The following ZNF706 variants were observed in gnomAD, a reference collection of about 807,000 sequenced individuals.
ZNF706 encodes the protein zinc finger protein 706.
A neutral mutation model predicts 9.2 loss-of-function variants in ZNF706; 4 were observed. The ratio of observed to expected loss-of-function variants is 0.43; its 90% CI spans 0.21 to 0.99. The LOEUF (loss-of-function observed/expected upper bound fraction) is 0.99. ZNF706 is among the 50% of genes least tolerant of loss of function. The pLI is 0.26. For synonymous variants in ZNF706, 28 were observed against 27.3 expected (o/e 1.03, Z -0.08); for missense variants, 27 against 87.8 (o/e 0.31, Z 2.77).
At chr8:101,203,663 T>A (rs569021081) in intron 1 of ZNF706, 8 of 152,322 alleles carry the variant, frequency 5.3e-5, no homozygotes, top group African/African-American at 1.9e-4. Context: ...GGTTTTTATA[T>A]TAGGGTAGCA....
At chr8:101,204,889 T>A (rs558327902) in intron 1 of ZNF706, 1 of 985,646 alleles carries the variant, frequency 1.0e-6, no homozygotes, top group African/African-American at 1.7e-5. Flanking sequence ...GCGCTCCACA[T>A]CCTGACCCTA....
At chr8:101,199,852 T>C in intron 3 of ZNF706, 138 bp downstream of exon 3, 2 of 624,224 alleles carry the variant, frequency 3.2e-6, no homozygotes, top group South Asian at 2.0e-5. Flanking sequence ...AAAGGGACTT[T>C]TCAGTTACAC....
At position 101,197,974 on chromosome 8, in the gene ZNF706, T is replaced by C. The variant is rs966477397; in HGVS notation, c.*1278A>G. ...CTCTAAGCAGTTACCAGTAAGTATT[T>C]TAGTGTTCTTTCTATTATATTAATT... On this transcript the variant is annotated 3_prime_UTR_variant, in exon 4 of 4. Coordinates refer to ENST00000311212, the MANE Select transcript of ZNF706 (RefSeq NM_016096.5). 4 of 152,194 alleles carry C rather than the reference T, an allele frequency of 2.6e-5. No homozygotes were observed. Among genetic ancestry groups the C allele is most frequent in the African/African-American group, 9.6e-5 (4 of 41,460 alleles). The allele number at this position is 152,194 out of a possible 1,614,324, so 9.4% of individuals were successfully genotyped here. A position where few individuals can be genotyped will look rare whatever the true frequency, so the allele number is the denominator to read the frequency against.
intron 1 of ZNF706, chr8:101,203,568 A>T (rs902954157): frequency 6.6e-6 from 1 of 152,236 alleles, no homozygotes; most frequent in Non-Finnish European, 1.5e-5. Context: ...GCATTAAAAA[A>T]ATGAACTGAA....
chr8:101,204,116 T>C (rs138190101), intron 1 of ZNF706: 33 of 152,346 alleles, frequency 2.2e-4, no homozygotes, highest in African/African-American at 7.7e-4. Flanking sequence ...TTGTTTTATG[T>C]TAAAAAAAAT....
rs1810446925 is a variant in ZNF706, at chr8:101,198,592, T to C, written c.*660A>G. On this transcript the variant is annotated 3_prime_UTR_variant, in exon 4 of 4. Coordinates refer to ENST00000311212, the MANE Select transcript of ZNF706 (RefSeq NM_016096.5). ...ACCGCTTTTAGGAAGCTATCAGTTA[T>C]CTACAGGGTACACCTGACTGGCAGT... 1 of 152,212 alleles carries C rather than the reference T, an allele frequency of 6.6e-6. No homozygotes were observed. Among genetic ancestry groups the C allele is most frequent in the Non-Finnish European group, 1.5e-5 (1 of 68,036 alleles). 9.4% of individuals were successfully genotyped at this position (152,212 alleles called of 1,614,324 possible). A position where few individuals can be genotyped will look rare whatever the true frequency, so the allele number is the denominator to read the frequency against.
At chr8:101,204,509 A>T (rs1586269872) in intron 1 of ZNF706, 6 of 569,868 alleles carry the variant, frequency 1.1e-5, no homozygotes, top group Non-Finnish European at 1.3e-5. Context: ...ATTCAAACGA[A>T]CCAACCACCT....
Position 101,201,363 on chromosome 8 carries a change from T to C in ZNF706, c.135+244A>G. The C allele has an allele frequency of 2.1e-6, 1 of 472,674 alleles. No individual in the cohort carries two copies. The highest frequency in any genetic ancestry group is 3.6e-5 in the East Asian group (1 of 28,150). The allele number at this position is 472,674 out of a possible 1,614,324, so 29.3% of individuals were successfully genotyped here. A position where few individuals can be genotyped will look rare whatever the true frequency, so the allele number is the denominator to read the frequency against. On this transcript the variant is annotated intron_variant, in intron 2 of 3. Coordinates refer to ENST00000311212, the MANE Select transcript of ZNF706 (RefSeq NM_016096.5). This position sits in a 1 kb window ranked among gnomAD's most constrained non-coding sequence, Gnocchi z 4.5. ...CTTATGAAGACATCTTTATTTTATA[T>C]GAGGAAAGCAATTTTGTTTTGTTCA...
Sources: allele counts gnomAD v4.1 joint callset, GRCh38; gene constraint gnomAD v4.1.1; non-coding constraint Gnocchi (gnomAD v3.1); transcripts MANE v1.5; gene names NCBI Gene and HGNC (gene_info 2026-07-23, HGNC 2026-07-21).